Variants in PLXNA4 observed in about 807,000 individuals in gnomAD.
The protein encoded by PLXNA4 is plexin-A4.
In PLXNA4, 44 loss-of-function variants were observed where a neutral mutation model predicts 191.8. That is an observed-to-expected ratio of 0.23 (90% CI 0.18 to 0.29). PLXNA4 has a LOEUF of 0.29. Ranked by LOEUF, PLXNA4 falls within the 10% of genes least tolerant of loss-of-function variation. PLXNA4 has a pLI of 1.00. For synonymous variants in PLXNA4, 1,082 were observed against 1,009.5 expected (o/e 1.07, Z -1.36); for missense variants, 1,800 against 2,488.8 (o/e 0.72, Z 5.89).
intron 3 of PLXNA4, among the ~76,000 whole-genome samples, chr7:132,357,810 G>A (rs1803772021): frequency 6.6e-6 from 1 of 152,202 alleles, no homozygotes. Flanking sequence ...ATTGCATTGT[G>A]TTTTTATAGA....
intron 4 of PLXNA4, among the ~76,000 whole-genome samples, chr7:132,253,310 A>G (rs1562993214): frequency 6.8e-6 from 1 of 147,636 alleles, no homozygotes; most frequent in East Asian, 2.0e-4. Context: ...ATCTCAGCTC[A>G]CTGCAACTTC....
intron 2 of PLXNA4, among the ~76,000 whole-genome samples, chr7:132,589,563 G>A (rs557174382): frequency 1.3e-4 from 20 of 152,106 alleles, no homozygotes; most frequent in African/African-American, 4.3e-4. Flanking sequence ...AGAAAACCAA[G>A]GACTCAGGTG....
intron 2 of PLXNA4, among the ~76,000 whole-genome samples, chr7:132,621,694 C>T (rs1803272096): frequency 6.6e-6 from 1 of 152,152 alleles, no homozygotes; most frequent in Non-Finnish European, 1.5e-5. Flanking sequence ...TTAAAATTGC[C>T]ATAAATACTG....
In PLXNA4 at chr7:132,432,563, G is replaced by A. The variant is rs185372977; in HGVS notation, c.1371+56729C>T. The stretch of plus-strand genomic sequence containing the variant: ...CATCTATTATTCTTCCTTCACTAAC[G>A]TGAGGGAGAGAAGGGGAGGAGGTCT... On this transcript the variant is annotated intron_variant, in intron 3 of 31. Coordinates refer to ENST00000321063, the MANE Select transcript of PLXNA4 (RefSeq NM_020911.2). Among the ~76,000 whole-genome samples the A allele has an allele frequency of 2.5e-3, 385 of 152,250 alleles. 2 individuals carry two copies. Among genetic ancestry groups the A allele is most frequent in the Non-Finnish European group, 4.4e-3 (296 of 68,018 alleles).
intron 2 of PLXNA4, among the ~76,000 whole-genome samples, chr7:132,604,926 G>A (rs1563192413): frequency 6.6e-6 from 1 of 152,096 alleles, no homozygotes; most frequent in African/African-American, 2.4e-5. Flanking sequence ...CTTCCCTCTT[G>A]TCCCAGCCCT....
chr7:132,249,516 T>C (rs1003998387), intron 4 of PLXNA4, among the ~76,000 whole-genome samples: 1 of 152,142 alleles, frequency 6.6e-6, no homozygotes, highest in Admixed American at 6.5e-5. Context: ...AATCACCCCA[T>C]CCTCAGGCTT....
At chr7:132,501,253 G>A (rs1016874282) in intron 2 of PLXNA4, among the ~76,000 whole-genome samples, 5 of 152,186 alleles carry the variant, frequency 3.3e-5, no homozygotes, top group Admixed American at 2.0e-4. Flanking sequence ...GAGAAACAGA[G>A]AAAGCAACAG....
chr7:132,301,896 C>T (rs1172584712), intron 3 of PLXNA4, among the ~76,000 whole-genome samples: 2 of 152,220 alleles, frequency 1.3e-5, no homozygotes, highest in South Asian at 2.1e-4. Flanking sequence ...TAATCATTCT[C>T]ATCTTCCTGA....
intron 1 of PLXNA4, among the ~76,000 whole-genome samples, chr7:132,553,675 C>G (rs1051507438): frequency 2.0e-5 from 3 of 152,192 alleles, no homozygotes; most frequent in Non-Finnish European, 2.9e-5. Flanking sequence ...CTTTCTCTTT[C>G]AACAACCTAC....
At chr7:132,191,796 G>C (rs4039594) in intron 14 of PLXNA4, among the ~76,000 whole-genome samples, 280 of 55,128 alleles carry the variant, frequency 5.1e-3, no homozygotes, top group East Asian at 0.016. Context: ...CTCTCTCTCT[G>C]TCTCTATGTC....
intron 2 of PLXNA4, among the ~76,000 whole-genome samples, chr7:132,594,763 C>T (rs538878935): frequency 6.6e-6 from 1 of 152,232 alleles, no homozygotes; most frequent in African/African-American, 2.4e-5. Context: ...CTTGATGGGA[C>T]CCTGCTGGAC....
chr7:132,421,274 CCTT>C (rs1445888791), intron 3 of PLXNA4, among the ~76,000 whole-genome samples: 4 of 152,144 alleles, frequency 2.6e-5, no homozygotes, highest in African/African-American at 4.8e-5. Context: ...GTCAGAATGT[CCTT>C]CTTTTTAAAG....
chr7:132,630,613 G>A (rs1309769619), intron 2 of PLXNA4, among the ~76,000 whole-genome samples: 4 of 152,094 alleles, frequency 2.6e-5, no homozygotes, highest in South Asian at 2.1e-4. Context: ...CCAGGTTCAC[G>A]CCATTCTCCT....
intron 3 of PLXNA4, among the ~76,000 whole-genome samples, chr7:132,432,739 G>GA (rs1291978595): frequency 1.3e-5 from 2 of 152,148 alleles, no homozygotes; most frequent in African/African-American, 4.8e-5. Flanking sequence ...GAATAAAAGT[G>GA]AAAAAAATCT....
chr7:132,174,596 G>T (rs956990160), intron 21 of PLXNA4, among the ~76,000 whole-genome samples, 182 bp downstream of exon 21: 5 of 152,174 alleles, frequency 3.3e-5, no homozygotes, highest in Admixed American at 2.6e-4. Context: ...CTGCTCCAAG[G>T]TTCCCTGGCT....
At chr7:132,145,990 G>A (rs1324061799) in intron 28 of PLXNA4, among the ~76,000 whole-genome samples, 1 of 148,166 alleles carries the variant, frequency 6.7e-6, no homozygotes, top group Admixed American at 6.8e-5. Flanking sequence ...GGAGGCAGGA[G>A]GATTGTTTGA....
At chr7:132,563,629 TTCCTCCTTCTCC>T (rs1426109652) in intron 1 of PLXNA4, among the ~76,000 whole-genome samples, 1 of 83,272 alleles carries the variant, frequency 1.2e-5, no homozygotes, top group African/African-American at 4.7e-5. Context: ...CCTCCTTCTC[TTCCTCCTTCTCC>T]TCCTCCTTCT....
intron 3 of PLXNA4, among the ~76,000 whole-genome samples, chr7:132,334,890 T>G (rs974761601): frequency 6.6e-6 from 1 of 152,204 alleles, no homozygotes; most frequent in Non-Finnish European, 1.5e-5. Flanking sequence ...ATCAAACACT[T>G]TCATTCAAAA....
intron 3 of PLXNA4, among the ~76,000 whole-genome samples, chr7:132,382,131 T>C (rs964201961): frequency 2.0e-5 from 3 of 152,204 alleles, no homozygotes; most frequent in Non-Finnish European, 4.4e-5. Flanking sequence ...CTAGATGTGC[T>C]TTCTAATAGG....
Sources: allele counts gnomAD v4.1 joint callset (sites outside exome capture counted in the v4.1 genomes callset), GRCh38; gene constraint gnomAD v4.1.1; transcripts MANE v1.5; gene names NCBI Gene and HGNC (gene_info 2026-07-23, HGNC 2026-07-21).